POGLUT2: variants seen among roughly 807,000 people sequenced by gnomAD.
The protein encoded by POGLUT2 is protein O-glucosyltransferase 2.
Under a neutral mutation model 57.6 loss-of-function variants are expected in POGLUT2, and 47 were observed. The observed-to-expected ratio is 0.82, with a 90% CI of 0.65 to 1.04. POGLUT2 has a LOEUF of 1.04. POGLUT2 is among the 50% of genes least tolerant of loss of function. The pLI, the probability that POGLUT2 is intolerant of heterozygous loss-of-function variation, is 0.00. For synonymous variants in POGLUT2, 200 were observed against 218.8 expected (o/e 0.91, Z 0.76); for missense variants, 565 against 614.8 (o/e 0.92, Z 0.86).
chr13:102,795,848 A>G (rs1878356526), intron 2 of POGLUT2, among the ~76,000 whole-genome samples: 1 of 152,098 alleles, frequency 6.6e-6, no homozygotes, highest in South Asian at 2.1e-4. Flanking sequence ...CAAAAATAAA[A>G]AAAAAAAAGT....
chr13:102,798,040 T>G (rs1878500749), intron 1 of POGLUT2, among the ~76,000 whole-genome samples: 2 of 152,236 alleles, frequency 1.3e-5, no homozygotes, highest in Non-Finnish European at 2.9e-5. Context: ...CCTTCCGAAC[T>G]CTGAAGTTTC....
At chr13:102,795,174 C>T (rs1042254213) in intron 2 of POGLUT2, among the ~76,000 whole-genome samples, 2 of 150,690 alleles carry the variant, frequency 1.3e-5, no homozygotes, top group African/African-American at 4.9e-5. Context: ...ATCGCTTGAA[C>T]CCGGGAGGCA....
Position 102,798,953 on chromosome 13 carries a change from G to C in POGLUT2, c.-283C>G, listed in dbSNP as rs1566440999. ...CTCAGGACAATGATGAACTTGAGTT[G>C]CTCCTGCCACTGGAGCATCATTTGG... On this transcript the variant is annotated 5_prime_UTR_variant, in exon 1 of 10. Coordinates refer to ENST00000376004, the MANE Select transcript of POGLUT2 (RefSeq NM_024089.3). 4.8e-6 allele frequency: 2 copies of C among 414,932 alleles called. No individual in the cohort carries two copies. The highest frequency in any genetic ancestry group is 3.5e-5 in the East Asian group (1 of 28,218). 25.7% of individuals were successfully genotyped at this position (414,932 alleles called of 1,614,324 possible).
Position 102,793,160 on chromosome 13 carries a change from T to C in POGLUT2, c.672+181A>G, listed in dbSNP as rs559391334. The stretch of plus-strand genomic sequence containing the variant: ...TTAAGGCTTCCAGTTTGTAGCACTT[T>C]GTTACGGCAGCCCTAGGAAACAAAC... On this transcript the variant is annotated intron_variant, in intron 4 of 9. Coordinates refer to ENST00000376004, the MANE Select transcript of POGLUT2 (RefSeq NM_024089.3). 13 of 543,956 alleles carry C rather than the reference T, an allele frequency of 2.4e-5. No individual in the cohort carries two copies. In the East Asian group the frequency reaches 3.3e-4, roughly 14 times the overall value. 33.7% of individuals were successfully genotyped at this position (543,956 alleles called of 1,614,324 possible).
chr13:102,791,232 T>C, intron 5 of POGLUT2, 26 bp downstream of exon 5: 1 of 1,603,530 alleles, frequency 6.2e-7, no homozygotes, highest in Non-Finnish European at 8.5e-7. Flanking sequence ...ACCAAGGCTC[T>C]GGGCCAACCC....
chr13:102,789,224 G>C lies in POGLUT2; in HGVS notation c.1084-3C>G. 2.5e-6 allele frequency: 4 copies of C among 1,610,966 alleles called. No individual in the cohort carries two copies. In the South Asian group the frequency reaches 4.4e-5, roughly 18 times the overall value. On this transcript the variant is annotated splice_region_variant and splice_polypyrimidine_tract_variant and intron_variant, in intron 6 of 9. Coordinates refer to ENST00000376004, the MANE Select transcript of POGLUT2 (RefSeq NM_024089.3). ...TCGATATTTATTTGATACTTATGCT[G>C]CAAAACAATGGTAAAGTCTAAGAAC...
rs142162603 is a variant in POGLUT2, at chr13:102,793,785, C to T, written c.410G>A (p.Cys137Tyr). 3.1e-6 allele frequency: 5 copies of T among 1,614,188 alleles called. No individual in the cohort carries two copies. Among genetic ancestry groups the T allele is most frequent in the Admixed American group, 1.7e-5 (1 of 60,026 alleles). Reference sequence around the variant, plus strand: ...TGCACTATCTTGCAGAGGACAGTCACAGTTCTCATGGTAAACCGGCCCTAT... The same window carrying T: ...TGCACTATCTTGCAGAGGACAGTCATAGTTCTCATGGTAAACCGGCCCTAT... ...ILKGPVYHEN[C>Y]DCPLQDSAAW... The change falls in exon 3 of 10, where the codon TGT (cysteine) becomes TAT (tyrosine). Residue 137 changes from cysteine to tyrosine, a missense_variant. Coordinates refer to ENST00000376004, the MANE Select transcript of POGLUT2 (RefSeq NM_024089.3).
Position 102,786,121 on chromosome 13 carries a change from G to A in POGLUT2, c.1491+111C>T, listed in dbSNP as rs539342841. On this transcript the variant is annotated intron_variant, in intron 9 of 9. Transcript: ENST00000376004. ...GCAGACTGAATTGCTTGGAGACCTCGAGAGGAACTCAAATATTTGCTGCCT... is the reference window on the plus strand; with the variant it reads ...GCAGACTGAATTGCTTGGAGACCTCAAGAGGAACTCAAATATTTGCTGCCT... 109 of 714,136 alleles carry A rather than the reference G, an allele frequency of 1.5e-4. No homozygotes were observed. The African/African-American group carries it at 1.7e-3, about 11-fold the overall frequency. 44.2% of individuals were successfully genotyped at this position (714,136 alleles called of 1,614,324 possible). A position where few individuals can be genotyped will look rare whatever the true frequency, so the allele number is the denominator to read the frequency against.
intron 7 of POGLUT2, 61 bp from the exon 8 acceptor site, chr13:102,787,984 G>C: frequency 1.0e-6 from 1 of 967,532 alleles, no homozygotes; most frequent in Non-Finnish European, 1.6e-6. Context: ...GCAGGCATCT[G>C]CAAACTGCTC....
intron 2 of POGLUT2, 105 bp downstream of exon 2, chr13:102,796,699 A>ATATATATATAT (rs1185943886): frequency 4.3e-4 from 64 of 150,146 alleles, no homozygotes; most frequent in African/African-American, 1.7e-3. Context: ...AAAAAAAAAA[A>ATATATATATAT]ATATATATAT....
intron 4 of POGLUT2, 123 bp downstream of exon 4, chr13:102,793,218 T>G (rs1227853769): frequency 9.8e-6 from 6 of 614,436 alleles, no homozygotes; most frequent in Non-Finnish European, 1.8e-5. Flanking sequence ...AGCTTCAGAA[T>G]AGTATTATCA....
rs1435969158 is a variant in POGLUT2 at position 102,791,529 on chromosome 13, A to G, written c.673-99T>C. On this transcript the variant is annotated intron_variant, in intron 4 of 9. Coordinates refer to ENST00000376004, the MANE Select transcript of POGLUT2 (RefSeq NM_024089.3). ...TTGAAATTGCATTAATGAAAGGCCA[A>G]TGTTACATGTTTCAGGTAATAATAA... 2.0e-4 allele frequency: 222 copies of G among 1,086,738 alleles called. 1 individual carries two copies. The highest frequency in any genetic ancestry group is 2.6e-4 in the Middle Eastern group (1 of 3,890). 67.3% of individuals were successfully genotyped at this position (1,086,738 alleles called of 1,614,324 possible). A position where few individuals can be genotyped will look rare whatever the true frequency, so the allele number is the denominator to read the frequency against.
chr13:102,797,125 T>C (rs1454030368), intron 1 of POGLUT2, 116 bp from the exon 2 acceptor site: 1 of 659,388 alleles, frequency 1.5e-6, no homozygotes, highest in Non-Finnish European at 2.7e-6. Context: ...CTCTAACATA[T>C]GATTGCTTCT....
At chr13:102,793,465 A>G (rs1220909088) in intron 3 of POGLUT2, 47 bp from the exon 4 acceptor site, 1 of 1,358,658 alleles carries the variant, frequency 7.4e-7, no homozygotes, top group Non-Finnish European at 1.0e-6. Context: ...AGACGCTGGC[A>G]GACTTCACTG....
intron 7 of POGLUT2, among the ~76,000 whole-genome samples, chr13:102,788,556 G>A (rs1477824774): frequency 6.6e-6 from 1 of 151,992 alleles, no homozygotes; most frequent in South Asian, 2.1e-4. Flanking sequence ...GTGTGGTCTC[G>A]GCTCACTGCA....
intron 2 of POGLUT2, among the ~76,000 whole-genome samples, chr13:102,796,058 A>G (rs1807552425): frequency 6.6e-6 from 1 of 152,106 alleles, no homozygotes; most frequent in Non-Finnish European, 1.5e-5. Flanking sequence ...GCACTTTGGG[A>G]GACTGAGGCA....
In POGLUT2 at chr13:102,791,256, A is replaced by T. The variant is rs912841505; in HGVS notation, c.845+2T>A. 3.7e-6 allele frequency: 6 copies of T among 1,601,828 alleles called. No homozygotes were observed. Among genetic ancestry groups the T allele is most frequent in the African/African-American group, 1.4e-5 (1 of 73,956 alleles). ...CTGGGCCAACCCTGACTTATCTCTCACCGGCCCATGGTTTCCAGAACAGAA... is the reference window on the plus strand; with the variant it reads ...CTGGGCCAACCCTGACTTATCTCTCTCCGGCCCATGGTTTCCAGAACAGAA... On this transcript the variant is annotated splice_donor_variant, in intron 5 of 9. Coordinates refer to ENST00000376004, the MANE Select transcript of POGLUT2 (RefSeq NM_024089.3). LOFTEE classifies it high-confidence loss of function.
At position 102,791,121 on chromosome 13, in the gene POGLUT2, A is replaced by G. The variant is rs377451306; in HGVS notation, c.863T>C (p.Met288Thr). The change falls in exon 6 of 10, where the codon ATG becomes ACG. Residue 288 changes from methionine (M) to threonine (T), a missense_variant. Transcript: ENST00000376004. ...ETMGRVSLDM[M>T]SVQANTGPPW... The stretch of plus-strand genomic sequence containing the variant: ...AGGACCCGTGTTAGCTTGCACGGAC[A>G]TCATATCCAGACTTACCCTAGAAGA... 1.3e-5 allele frequency: 21 copies of G among 1,613,958 alleles called. No individual in the cohort carries two copies. The East Asian group carries it at 2.7e-4, about 21-fold the overall frequency.
At chr13:102,791,933 A>G (rs925547100) in intron 4 of POGLUT2, 2 of 1,161,552 alleles carry the variant, frequency 1.7e-6, no homozygotes, top group African/African-American at 3.2e-5. Flanking sequence ...TAGTCACAGA[A>G]AATGTTTAGA....
Sources: allele counts gnomAD v4.1 joint callset (sites outside exome capture counted in the v4.1 genomes callset), GRCh38; gene constraint gnomAD v4.1.1; transcripts MANE v1.5; gene names NCBI Gene and HGNC (gene_info 2026-07-23, HGNC 2026-07-21).